ALDH1A2: variants seen among roughly 807,000 people sequenced by gnomAD.
ALDH1A2 encodes the protein aldehyde dehydrogenase 1 family member A2, also known as retinal dehydrogenase 2.
ALDH1A2 carries 27 observed loss-of-function variants against 60.3 expected under a neutral mutation model. That is an observed-to-expected ratio of 0.45 (90% CI 0.33 to 0.62). The LOEUF (loss-of-function observed/expected upper bound fraction) is 0.62. Ranked by LOEUF, ALDH1A2 falls within the 20% of genes least tolerant of loss-of-function variation. The pLI is 0.02. For missense variants in ALDH1A2, 581 were observed against 643.8 expected (o/e 0.90, Z 1.06); for synonymous variants, 289 against 232.4 (o/e 1.24, Z -2.21).
At chr15:57,979,313 G>A (rs1440569931) in intron 7 of ALDH1A2, among the ~76,000 whole-genome samples, 1 of 152,076 alleles carries the variant, frequency 6.6e-6, no homozygotes, top group East Asian at 1.9e-4. Flanking sequence ...TTTTGTTAAT[G>A]CATCCTGAAA....
At chr15:58,046,953 A>G (rs979392148) in intron 1 of ALDH1A2, among the ~76,000 whole-genome samples, 4 of 152,070 alleles carry the variant, frequency 2.6e-5, no homozygotes, top group African/African-American at 9.7e-5. Flanking sequence ...AGCTGGATAA[A>G]GATTCAAAAC....
chr15:58,024,306 C>A (rs560328896), intron 1 of ALDH1A2, among the ~76,000 whole-genome samples: 2 of 151,934 alleles, frequency 1.3e-5, no homozygotes, highest in Non-Finnish European at 2.9e-5. Flanking sequence ...AAAAATGATC[C>A]AATTTTATAC....
chr15:58,018,903 T>C (rs566701547), intron 1 of ALDH1A2, among the ~76,000 whole-genome samples: 13 of 152,234 alleles, frequency 8.5e-5, no homozygotes, highest in Admixed American at 4.6e-4. Context: ...GACATAAAAA[T>C]TAAATGCATC....
chr15:58,000,959 A>T (rs559418553), intron 4 of ALDH1A2, among the ~76,000 whole-genome samples: 1 of 150,498 alleles, frequency 6.6e-6, no homozygotes, highest in South Asian at 2.1e-4. Flanking sequence ...TCTCTCTAAT[A>T]ACTCTACTAA....
At chr15:57,958,484 TAAGA>T (rs1367017657) in intron 12 of ALDH1A2, among the ~76,000 whole-genome samples, 1 of 152,128 alleles carries the variant, frequency 6.6e-6, no homozygotes, top group Non-Finnish European at 1.5e-5. Flanking sequence ...GCCTGGGAAT[TAAGA>T]GGGCAGCCCT....
chr15:58,032,115 A>C (rs1206456933), intron 1 of ALDH1A2, among the ~76,000 whole-genome samples: 1 of 152,158 alleles, frequency 6.6e-6, no homozygotes, highest in Non-Finnish European at 1.5e-5. Context: ...CAAATGTCCA[A>C]CAATGATAGA....
intron 7 of ALDH1A2, chr15:57,980,258 T>C: frequency 2.9e-6 from 1 of 349,414 alleles, no homozygotes. Flanking sequence ...AGTCTTGACC[T>C]TCCCTGCTAG....
At chr15:58,025,491 A>C (rs922992724) in intron 1 of ALDH1A2, among the ~76,000 whole-genome samples, 1 of 152,214 alleles carries the variant, frequency 6.6e-6, no homozygotes, top group Non-Finnish European at 1.5e-5. Flanking sequence ...ACAGCTCAAT[A>C]ACAAGCAGCA....
At chr15:58,056,971 G>A (rs1317324946) in intron 1 of ALDH1A2, among the ~76,000 whole-genome samples, 2 of 152,078 alleles carry the variant, frequency 1.3e-5, no homozygotes, top group African/African-American at 2.4e-5. Context: ...GAATATACTG[G>A]TGGTGGAAAC....
At chr15:58,037,888 CAA>C (rs1417596995) in intron 1 of ALDH1A2, among the ~76,000 whole-genome samples, 1 of 151,664 alleles carries the variant, frequency 6.6e-6, no homozygotes, top group African/African-American at 2.4e-5. Context: ...CAGTTGAACT[CAA>C]AAAGACACAC....
chr15:58,006,269 G>A (rs536302747), intron 4 of ALDH1A2, among the ~76,000 whole-genome samples: 51 of 151,980 alleles, frequency 3.4e-4, no homozygotes, highest in Non-Finnish European at 6.2e-4. Flanking sequence ...TAAGATATTT[G>A]GTTTTCCATT....
At chr15:58,061,606 AAAAC>A (rs1190551294) in intron 1 of ALDH1A2, among the ~76,000 whole-genome samples, 1,896 of 140,744 alleles carry the variant, frequency 0.013, 213 homozygotes, top group Non-Finnish European at 0.023. Context: ...AAAAAAAAAA[AAAAC>A]AAAAAAAAAA....
chr15:57,964,188 A>G (rs1008315420), intron 8 of ALDH1A2, 119 bp from the exon 9 acceptor site: 19 of 1,046,710 alleles, frequency 1.8e-5, no homozygotes, highest in African/African-American at 1.4e-4. Context: ...TGACATAACC[A>G]TGAATAGCCC....
intron 1 of ALDH1A2, among the ~76,000 whole-genome samples, chr15:58,019,478 GT>G (rs1195548036): frequency 1.3e-5 from 2 of 152,170 alleles, no homozygotes; most frequent in Admixed American, 1.3e-4. Flanking sequence ...AGTAGAAAGT[GT>G]ATCTGACCCT....
At chr15:57,976,970 T>C (rs1393577116) in intron 7 of ALDH1A2, among the ~76,000 whole-genome samples, 3 of 152,344 alleles carry the variant, frequency 2.0e-5, no homozygotes, top group East Asian at 3.9e-4. Context: ...TGGTGTGAGA[T>C]GGTATCTCAC....
At chr15:58,022,753 G>A (rs1895966163) in intron 1 of ALDH1A2, among the ~76,000 whole-genome samples, 1 of 152,092 alleles carries the variant, frequency 6.6e-6, no homozygotes, top group Admixed American at 6.5e-5. Flanking sequence ...CACTGATGTT[G>A]TTTACTGCCA....
At chr15:58,005,641 T>C (rs1595661170) in intron 4 of ALDH1A2, among the ~76,000 whole-genome samples, 2 of 151,992 alleles carry the variant, frequency 1.3e-5, no homozygotes, top group African/African-American at 4.8e-5. Flanking sequence ...AGAGATGTTA[T>C]GCTGGATGAA....
At chr15:58,004,385 A>G (rs1283677774) in intron 4 of ALDH1A2, among the ~76,000 whole-genome samples, 4 of 151,864 alleles carry the variant, frequency 2.6e-5, no homozygotes, top group African/African-American at 7.2e-5. Flanking sequence ...GATATATTGC[A>G]TAACTATGAG....
chr15:58,036,411 A>T (rs1896379621), intron 1 of ALDH1A2, among the ~76,000 whole-genome samples: 1 of 151,692 alleles, frequency 6.6e-6, no homozygotes, highest in African/African-American at 2.4e-5. Context: ...AACCTTTTAA[A>T]ATACATAAAT....
Sources: gnomAD v4.1 joint callset for allele counts (sites outside exome capture counted in the v4.1 genomes callset) on GRCh38, gnomAD v4.1.1 for gene constraint, MANE v1.5 for transcripts, NCBI Gene and HGNC (gene_info 2026-07-23, HGNC 2026-07-21) for gene names.